ENPP6: variants seen among roughly 807,000 people sequenced by gnomAD.
The protein encoded by ENPP6 is ectonucleotide pyrophosphatase/phosphodiesterase 6.
In ENPP6, 32 loss-of-function variants were observed where a neutral mutation model predicts 42.0. The ratio of observed to expected loss-of-function variants is 0.76; its 90% confidence interval spans 0.58 to 1.02. The LOEUF is 1.02. Ranked by LOEUF, ENPP6 falls within the 50% of genes least tolerant of loss-of-function variation. The pLI is 0.00. For synonymous variants in ENPP6, 213 were observed against 216.0 expected, an observed-to-expected ratio of 0.99 and a Z score of 0.12; for missense variants, 552 against 566.8, an observed-to-expected ratio of 0.97 and a Z score of 0.27.
chr4:184,198,372 A>G (rs1008613048), intron 1 of ENPP6, among the ~76,000 whole-genome samples: 4 of 152,214 alleles, frequency 2.6e-5, no homozygotes, highest in Non-Finnish European at 5.9e-5. Context: ...TACTGCAAGG[A>G]CAGGTCTTGC....
At chr4:184,213,563 T>C (rs1301028538) in intron 1 of ENPP6, among the ~76,000 whole-genome samples, 1 of 151,176 alleles carries the variant, frequency 6.6e-6, no homozygotes, top group Non-Finnish European at 1.5e-5. Context: ...CCAGTTAGAA[T>C]GGCAATCATT....
intron 6 of ENPP6, among the ~76,000 whole-genome samples, chr4:184,103,935 T>C (rs7686795): frequency 0.81 from 122,725 of 152,124 alleles, 50,075 homozygotes; most frequent in East Asian, 0.97. Flanking sequence ...AGCAGGGATC[T>C]GGCGACGCAG....
At chr4:184,108,428 GATT>G (rs1736140014) in intron 6 of ENPP6, among the ~76,000 whole-genome samples, 1 of 152,210 alleles carries the variant, frequency 6.6e-6, no homozygotes, top group Non-Finnish European at 1.5e-5. Context: ...GAAAGTGAGA[GATT>G]AATAGCCTTG....
intron 1 of ENPP6, among the ~76,000 whole-genome samples, chr4:184,172,377 C>T (rs188158189): frequency 6.6e-6 from 1 of 152,302 alleles, no homozygotes; most frequent in African/African-American, 2.4e-5. Context: ...CCTGAAGAGC[C>T]TCCACCCTCT....
chr4:184,103,953 C>T (rs1361245032), intron 6 of ENPP6, among the ~76,000 whole-genome samples: 3 of 152,106 alleles, frequency 2.0e-5, no homozygotes, highest in South Asian at 2.1e-4. Context: ...CAGACATTCT[C>T]GGAGTGGAGC....
chr4:184,217,675 C>A lies in ENPP6; in HGVS notation c.145G>T (p.Gly49Cys), dbSNP rs764652012. ...CCCCTGCTCACAATCTCTTTGAAAC[C>A]AGGCAATGACTCCAGCGCCTCATCA... is the stretch of plus-strand genomic sequence containing the variant. ...ISDEALESLP[G>C]FKEIVSRGVK... Residue 49 changes from glycine (G) to cysteine (C), a missense_variant, in exon 1 of 8, where the codon GGT (glycine) becomes TGT (cysteine). Gly to Cys is a radical substitution (Grantham distance 159, BLOSUM62 -3). This residue lies in a region of ENPP6 where 545 missense variants were observed against 546.3 expected (regional missense o/e 1.00). Coordinates refer to ENST00000296741, the MANE Select transcript of ENPP6 (RefSeq NM_153343.4). 4.3e-6 allele frequency: 7 copies of A among 1,614,060 alleles called. No homozygotes were observed. The highest frequency in any genetic ancestry group is 5.9e-6 in the Non-Finnish European group (7 of 1,180,042).
At chr4:184,109,477 G>C (rs568945179) in intron 6 of ENPP6, among the ~76,000 whole-genome samples, 1 of 152,206 alleles carries the variant, frequency 6.6e-6, no homozygotes, top group African/African-American at 2.4e-5. Context: ...GAGCTGCTAC[G>C]GATCCGGGCG....
intron 1 of ENPP6, among the ~76,000 whole-genome samples, chr4:184,159,506 CT>C (rs557552353): frequency 3.4e-4 from 52 of 152,188 alleles, no homozygotes; most frequent in Non-Finnish European, 6.5e-4. Flanking sequence ...ATAAATAGTC[CT>C]AGTGGACTGA....
At chr4:184,131,198 TTTC>T (rs761322723) in intron 2 of ENPP6, among the ~76,000 whole-genome samples, 4,591 of 46,712 alleles carry the variant, frequency 0.098, 221 homozygotes, top group Non-Finnish European at 0.11. Context: ...TCTTTCTTTC[TTTC>T]TTCTTTCTTT....
chr4:184,185,519 G>GC (rs1732621149), intron 1 of ENPP6, among the ~76,000 whole-genome samples: 1 of 152,156 alleles, frequency 6.6e-6, no homozygotes, highest in African/African-American at 2.4e-5. Context: ...CGAGAATCAT[G>GC]CCCAGACCCC....
chr4:184,131,201 CTTCTTTCTTTCTTTCTTTT>C (rs1736616084), intron 2 of ENPP6, among the ~76,000 whole-genome samples: 1 of 70,644 alleles, frequency 1.4e-5, no homozygotes, highest in African/African-American at 5.8e-5. Context: ...TTCTTTCTTT[CTTCTTTCTTTCTTTCTTTT>C]TCTTTCTTTC....
At chr4:184,160,970 A>G (rs1268178063) in intron 1 of ENPP6, among the ~76,000 whole-genome samples, 3 of 152,186 alleles carry the variant, frequency 2.0e-5, no homozygotes, top group Admixed American at 1.3e-4. Flanking sequence ...AGAACTTCCA[A>G]CTGAACATTA....
chr4:184,103,092 A>G lies in ENPP6; in HGVS notation c.994-5724T>C, dbSNP rs561418215. Among the ~76,000 whole-genome samples, 3 of 152,366 alleles carry G rather than the reference A, an allele frequency of 2.0e-5. No homozygotes were observed. The South Asian group carries it at 6.2e-4, about 32-fold the overall frequency. ...CTCTTAGAAAGTTCAAAGGGCTTCA[A>G]GGGACTGCAGAATGAGGCACAGGAT... On this transcript the variant is annotated intron_variant, in intron 6 of 7. Coordinates refer to ENST00000296741, the MANE Select transcript of ENPP6 (RefSeq NM_153343.4).
intron 1 of ENPP6, among the ~76,000 whole-genome samples, chr4:184,183,928 G>A (rs1307089205): frequency 6.6e-6 from 1 of 152,206 alleles, no homozygotes; most frequent in Non-Finnish European, 1.5e-5. Flanking sequence ...CTGGCCCATG[G>A]ATGCTTCCCC....
rs947141633 is a variant in ENPP6, at chr4:184,162,944, G to A, written c.242-9211C>T. Among the ~76,000 whole-genome samples, 13 of 152,192 alleles carry A rather than the reference G, an allele frequency of 8.5e-5. No homozygotes were observed. The South Asian group carries it at 1.5e-3, about 17-fold the overall frequency. On this transcript the variant is annotated intron_variant, in intron 1 of 7. Coordinates refer to ENST00000296741, the MANE Select transcript of ENPP6 (RefSeq NM_153343.4). ...CGTGCCATTACCACCCACCCACTCCGCTCCCCGAGTGGTGAATAGCAAGTG... is the reference window on the plus strand; with the variant it reads ...CGTGCCATTACCACCCACCCACTCCACTCCCCGAGTGGTGAATAGCAAGTG...
intron 2 of ENPP6, among the ~76,000 whole-genome samples, chr4:184,141,427 T>A (rs934014766): frequency 6.6e-6 from 1 of 152,244 alleles, no homozygotes; most frequent in Non-Finnish European, 1.5e-5. Flanking sequence ...CTCAGGGATC[T>A]GTGGGGAAGG....
At chr4:184,110,025 C>A (rs13137283) in intron 6 of ENPP6, among the ~76,000 whole-genome samples, 52,172 of 152,056 alleles carry the variant, frequency 0.34, 10,271 homozygotes, top group Non-Finnish European at 0.46. Context: ...GGACCCACAG[C>A]AGAGTACGGG....
intron 1 of ENPP6, among the ~76,000 whole-genome samples, chr4:184,189,220 A>T (rs1003579998): frequency 6.6e-6 from 1 of 152,212 alleles, no homozygotes; most frequent in Non-Finnish European, 1.5e-5. Context: ...AAGTCCTGTC[A>T]GTTTCCTGAG....
In ENPP6 at chr4:184,206,748, G is replaced by C. The variant is rs150097340; in HGVS notation, c.241+10831C>G. Among the ~76,000 whole-genome samples, 278 of 152,318 alleles carry C rather than the reference G, an allele frequency of 1.8e-3. 1 individual carries two copies. Among genetic ancestry groups the C allele is most frequent in the Non-Finnish European group, 3.4e-3 (233 of 68,036 alleles). On this transcript the variant is annotated intron_variant, in intron 1 of 7. Coordinates refer to ENST00000296741, the MANE Select transcript of ENPP6 (RefSeq NM_153343.4). ...AACATGATATCTAGTAAGAATTTGTGTCACAGGTGATTTCTAGGAGTGCGA... is the reference window on the plus strand; with the variant it reads ...AACATGATATCTAGTAAGAATTTGTCTCACAGGTGATTTCTAGGAGTGCGA...
Sources: allele counts gnomAD v4.1 joint callset (sites outside exome capture counted in the v4.1 genomes callset), GRCh38; gene constraint gnomAD v4.1.1; regional missense constraint gnomAD v4.1.1; transcripts MANE v1.5; gene names NCBI Gene and HGNC (gene_info 2026-07-23, HGNC 2026-07-21).